Variants in EXT2 observed in about 807,000 individuals in gnomAD.
EXT2 encodes exostosin glycosyltransferase 2.
In EXT2, 53 loss-of-function variants were observed where a neutral mutation model predicts 81.6. That is an observed-to-expected ratio of 0.65 (90% CI 0.52 to 0.82). The LOEUF (loss-of-function observed/expected upper bound fraction) is 0.82, where lower values mean the gene tolerates loss of function less well. Among genes scored for constraint, EXT2 ranks in the 40% least tolerant of loss-of-function variants. The pLI, the probability that EXT2 is intolerant of heterozygous loss-of-function variation, is 0.00. For missense variants in EXT2, 774 were observed against 910.2 expected, an observed-to-expected ratio of 0.85 and a Z score of 1.93; for synonymous variants, 320 against 340.0, an observed-to-expected ratio of 0.94 and a Z score of 0.65.
intron 8 of EXT2, among the ~76,000 whole-genome samples, chr11:44,186,718 C>T (rs1333856883): frequency 6.6e-6 from 1 of 152,188 alleles, no homozygotes; most frequent in African/African-American, 2.4e-5. Flanking sequence ...TCCTAAACTG[C>T]ACGTTTCAAT....
chr11:44,100,691 C>T (rs1346100745), intron 1 of EXT2, among the ~76,000 whole-genome samples: 5 of 152,194 alleles, frequency 3.3e-5, no homozygotes, highest in East Asian at 3.9e-4. Flanking sequence ...TGTTGAAGGT[C>T]GGGCCCAGAA....
At chr11:44,192,179 C>G (rs1036064765) in intron 8 of EXT2, among the ~76,000 whole-genome samples, 1 of 152,146 alleles carries the variant, frequency 6.6e-6, no homozygotes, top group Non-Finnish European at 1.5e-5. Flanking sequence ...CAAATCTTTG[C>G]ACATGCCGCT....
At position 44,159,180 on chromosome 11, in the gene EXT2, G is replaced by T. The variant is rs117687409; in HGVS notation, c.1174-12431G>T. On this transcript the variant is annotated intron_variant, in intron 7 of 13. Coordinates refer to ENST00000533608, the MANE Select transcript of EXT2 (RefSeq NM_207122.2). ...GTTCTCTGAGCTTCCTGGATCTGTA[G>T]TTTGGTATCTTGATATTATTTTGGT... is the stretch of plus-strand genomic sequence containing the variant. Among the ~76,000 whole-genome samples, 546 of 149,696 alleles carry T rather than the reference G, an allele frequency of 3.6e-3. 2 individuals are homozygous for T. Among genetic ancestry groups the T allele is most frequent in the Admixed American group, 6.8e-3 (102 of 15,062 alleles).
At chr11:44,217,336 G>A (rs1955731888) in intron 10 of EXT2, among the ~76,000 whole-genome samples, 1 of 152,124 alleles carries the variant, frequency 6.6e-6, no homozygotes, top group Non-Finnish European at 1.5e-5. Context: ...CATTTGGACC[G>A]AATACCGGGT....
At chr11:44,169,856 G>A (rs1256049900) in intron 7 of EXT2, among the ~76,000 whole-genome samples, 1 of 151,838 alleles carries the variant, frequency 6.6e-6, no homozygotes, top group Non-Finnish European at 1.5e-5. Flanking sequence ...TGCTCAACCT[G>A]TATATGCTTT....
At chr11:44,096,702 A>T (rs1026280176) in intron 1 of EXT2, among the ~76,000 whole-genome samples, 1 of 152,202 alleles carries the variant, frequency 6.6e-6, no homozygotes, top group African/African-American at 2.4e-5. Context: ...GCTTTGTTAC[A>T]TTCGGTGGGA....
intron 8 of EXT2, among the ~76,000 whole-genome samples, chr11:44,177,163 A>G (rs1326360993): frequency 6.6e-6 from 1 of 152,222 alleles, no homozygotes; most frequent in Non-Finnish European, 1.5e-5. Context: ...TTTGAAAGGA[A>G]TTCTTTTTGA....
intron 3 of EXT2, among the ~76,000 whole-genome samples, chr11:44,112,540 C>T (rs917445188): frequency 6.6e-6 from 1 of 152,140 alleles, no homozygotes; most frequent in Non-Finnish European, 1.5e-5. Context: ...ATATTTTCTC[C>T]ATTATAATGT....
At chr11:44,129,030 G>A (rs771226539) in intron 6 of EXT2, among the ~76,000 whole-genome samples, 2 of 152,144 alleles carry the variant, frequency 1.3e-5, no homozygotes, top group Non-Finnish European at 1.5e-5. Flanking sequence ...GCCAAATGTC[G>A]TGAAGGAAAA....
chr11:44,186,720 C>T (rs149658499), intron 8 of EXT2, among the ~76,000 whole-genome samples: 4 of 152,178 alleles, frequency 2.6e-5, no homozygotes, highest in Admixed American at 6.5e-5. Flanking sequence ...CTAAACTGCA[C>T]GTTTCAATCC....
chr11:44,233,605 C>T (rs759135180), intron 11 of EXT2, among the ~76,000 whole-genome samples: 7 of 152,208 alleles, frequency 4.6e-5, no homozygotes, highest in South Asian at 4.1e-4. Flanking sequence ...GAACTGATGT[C>T]GGGAGAAAGG....
At chr11:44,194,166 C>T (rs1254868332) in intron 8 of EXT2, among the ~76,000 whole-genome samples, 2 of 152,238 alleles carry the variant, frequency 1.3e-5, no homozygotes, top group African/African-American at 2.4e-5. Flanking sequence ...GCATTCTCCC[C>T]TCTTCTCCCA....
At chr11:44,144,277 T>C (rs761137378) in intron 7 of EXT2, 9 of 1,598,444 alleles carry the variant, frequency 5.6e-6, no homozygotes, top group Middle Eastern at 1.7e-4. Context: ...GAGAGAGAAC[T>C]GGTCAGCTGC....
chr11:44,171,413 A>T (rs1955071372), intron 7 of EXT2, among the ~76,000 whole-genome samples, 198 bp from the exon 8 acceptor site: 1 of 152,216 alleles, frequency 6.6e-6, no homozygotes, highest in African/African-American at 2.4e-5. Flanking sequence ...CTAACATTTT[A>T]TTTTGACTGC....
rs1255023060 is a variant in EXT2 at position 44,220,891 on chromosome 11, C to T, written c.1663-11462C>T. Among the ~76,000 whole-genome samples, 1 of 152,184 alleles carries T rather than the reference C, an allele frequency of 6.6e-6. No homozygotes were observed. Among genetic ancestry groups the T allele is most frequent in the Admixed American group, 6.5e-5 (1 of 15,292 alleles). On this transcript the variant is annotated intron_variant, in intron 10 of 13. Transcript: ENST00000533608. The surrounding 1 kb of genome is among the most constrained non-coding windows in gnomAD (Gnocchi z 4.4). ...GAGCTTCTCTAAAGCACCCAGTCCC[C>T]ATTGGAGAACAAGTCAAACAAATGT...
intron 4 of EXT2, among the ~76,000 whole-genome samples, chr11:44,114,796 A>C (rs570347358): frequency 1.6e-4 from 25 of 152,288 alleles, no homozygotes; most frequent in Admixed American, 5.2e-4. Flanking sequence ...CTTAGCCCAC[A>C]GTCCCTAAAA....
In EXT2 at chr11:44,129,858, G is replaced by T. The variant is rs182271997; in HGVS notation, c.1080-187G>T. Among the ~76,000 whole-genome samples the T allele has an allele frequency of 1.3e-3, 199 of 152,272 alleles. 3 individuals carry two copies. Among genetic ancestry groups the T allele is most frequent in the Non-Finnish European group, 6.5e-4 (44 of 68,020 alleles). The stretch of plus-strand genomic sequence containing the variant: ...GGGAGGTAAAAAAATGGAGCTGTAA[G>T]AGAACTCCTTTGAGAAGTTCAGCCA... On this transcript the variant is annotated intron_variant, in intron 6 of 13. Transcript: ENST00000533608.
intron 9 of EXT2, 118 bp from the exon 10 acceptor site, chr11:44,206,675 T>C: frequency 9.5e-7 from 1 of 1,056,772 alleles, no homozygotes; most frequent in Non-Finnish European, 1.4e-6. Context: ...ACCTTTGGAT[T>C]TGATGAGAGC....
At chr11:44,102,674 C>T (rs1954003249) in intron 1 of EXT2, among the ~76,000 whole-genome samples, 1 of 151,768 alleles carries the variant, frequency 6.6e-6, no homozygotes, top group Admixed American at 6.6e-5. Context: ...CCACTTGGGA[C>T]TCTGGAGTCA....
Sources: gnomAD v4.1 joint callset for allele counts (sites outside exome capture counted in the v4.1 genomes callset) on GRCh38, gnomAD v4.1.1 for gene constraint, Gnocchi (gnomAD v3.1) non-coding constraint, MANE v1.5 for transcripts, NCBI Gene and HGNC (gene_info 2026-07-23, HGNC 2026-07-21) for gene names.